The following GPC5 variants were observed in gnomAD, a reference collection of about 807,000 sequenced individuals.
GPC5 encodes glypican 5.
GPC5 carries 47 observed loss-of-function variants against 53.9 expected under a neutral mutation model. That is an observed-to-expected ratio of 0.87 (90% CI 0.69 to 1.11). The LOEUF is 1.11. Among genes scored for constraint, GPC5 ranks in the 50% most tolerant of loss-of-function variants. GPC5 has a pLI of 0.00. For synonymous variants in GPC5, 286 were observed against 263.3 expected (o/e 1.09, Z -0.84); for missense variants, 748 against 713.1 (o/e 1.05, Z -0.56).
intron 7 of GPC5, among the ~76,000 whole-genome samples, chr13:92,286,866 C>T (rs552969774): frequency 1.1e-4 from 17 of 151,858 alleles, no homozygotes; most frequent in African/African-American, 4.1e-4. Context: ...CACATGTACC[C>T]TAGAACTTAA....
At chr13:91,570,172 A>G (rs1463866419) in intron 2 of GPC5, among the ~76,000 whole-genome samples, 2 of 152,210 alleles carry the variant, frequency 1.3e-5, no homozygotes, top group Admixed American at 1.3e-4. Flanking sequence ...GTCTATGTCC[A>G]TCCCGACAAA....
chr13:91,797,727 T>C (rs2038068825), intron 5 of GPC5, among the ~76,000 whole-genome samples: 1 of 152,178 alleles, frequency 6.6e-6, no homozygotes, highest in African/African-American at 2.4e-5. Flanking sequence ...TCCTGCTAGA[T>C]GGGCATCCAG....
rs1319293702 is a variant in GPC5 at position 91,556,560 on chromosome 13, TATATATATATACACAC to T, written c.325+107640_325+107655del. On this transcript the variant is annotated intron_variant, in intron 2 of 7. Transcript: ENST00000377067. ...TATAAAATGTGTGTGTGTGTGTATA[TATATATATATACACAC>T]ACACAGACACCCACACACACATATA... Among the ~76,000 whole-genome samples the T allele has an allele frequency of 3.3e-5, 5 of 150,632 alleles. 1 individual carries two copies. The highest frequency in any genetic ancestry group is 7.4e-5 in the Non-Finnish European group (5 of 67,642).
chr13:92,370,869 G>T (rs977913647), intron 7 of GPC5, among the ~76,000 whole-genome samples: 16 of 152,014 alleles, frequency 1.1e-4, no homozygotes, highest in African/African-American at 3.9e-4. Context: ...TCTTGGCTGG[G>T]CACAGTGGGT....
intron 7 of GPC5, among the ~76,000 whole-genome samples, chr13:92,176,795 T>A (rs1355201656): frequency 6.6e-6 from 1 of 152,144 alleles, no homozygotes; most frequent in Non-Finnish European, 1.5e-5. Flanking sequence ...TCCAGCACAC[T>A]ACCAGGCACC....
chr13:92,048,154 A>T (rs995471269), intron 6 of GPC5, among the ~76,000 whole-genome samples: 1 of 152,148 alleles, frequency 6.6e-6, no homozygotes, highest in Non-Finnish European at 1.5e-5. Flanking sequence ...CCTTCTTCTC[A>T]TATGTATTGT....
intron 7 of GPC5, among the ~76,000 whole-genome samples, chr13:92,451,601 A>G (rs1344290501): frequency 1.3e-5 from 2 of 152,192 alleles, no homozygotes; most frequent in South Asian, 4.1e-4. Flanking sequence ...CTAAATAATG[A>G]TATGTTCTGC....
intron 7 of GPC5, among the ~76,000 whole-genome samples, chr13:92,336,384 T>C (rs1260473593): frequency 2.6e-5 from 4 of 152,188 alleles, no homozygotes; most frequent in Non-Finnish European, 5.9e-5. Flanking sequence ...ACATACATTG[T>C]AAAAACATTT....
intron 2 of GPC5, among the ~76,000 whole-genome samples, chr13:91,569,932 A>C (rs1019866798): frequency 6.6e-6 from 1 of 152,142 alleles, no homozygotes. Flanking sequence ...GTTTTTTATA[A>C]ATTACCCATT....
At chr13:92,605,971 G>A (rs1449469197) in intron 7 of GPC5, among the ~76,000 whole-genome samples, 1 of 152,182 alleles carries the variant, frequency 6.6e-6, no homozygotes, top group Non-Finnish European at 1.5e-5. Context: ...ATTCAAGAAG[G>A]AAGAAGTTTT....
At chr13:92,031,681 A>AT (rs201724735) in intron 6 of GPC5, among the ~76,000 whole-genome samples, 1,792 of 82,648 alleles carry the variant, frequency 0.022, 292 homozygotes, top group African/African-American at 0.11. Context: ...TATATAATAT[A>AT]TATATAGTAT....
intron 7 of GPC5, among the ~76,000 whole-genome samples, chr13:92,467,962 T>G (rs1178120497): frequency 6.6e-6 from 1 of 152,080 alleles, no homozygotes; most frequent in Non-Finnish European, 1.5e-5. Flanking sequence ...AAGAAACAAG[T>G]TCCTGGACCA....
intron 2 of GPC5, among the ~76,000 whole-genome samples, chr13:91,553,706 G>C (rs1267942591): frequency 1.3e-5 from 2 of 151,984 alleles, no homozygotes; most frequent in Non-Finnish European, 2.9e-5. Context: ...CTTTCATTAA[G>C]CAAAGTTATG....
At chr13:92,312,188 A>G (rs780718178) in intron 7 of GPC5, among the ~76,000 whole-genome samples, 12 of 152,196 alleles carry the variant, frequency 7.9e-5, no homozygotes, top group Non-Finnish European at 1.5e-4. Flanking sequence ...TCGAGATTTT[A>G]AAGAATATGG....
At chr13:92,306,388 A>G (rs1317180432) in intron 7 of GPC5, among the ~76,000 whole-genome samples, 3 of 152,166 alleles carry the variant, frequency 2.0e-5, no homozygotes, top group Non-Finnish European at 2.9e-5. Context: ...GAAATAGTAA[A>G]AAGAGGAGCA....
chr13:92,705,704 T>G (rs1478689024), intron 7 of GPC5, among the ~76,000 whole-genome samples: 1 of 152,122 alleles, frequency 6.6e-6, no homozygotes, highest in Non-Finnish European at 1.5e-5. Flanking sequence ...AATACGTCTA[T>G]GTTGGAAAGC....
intron 6 of GPC5, among the ~76,000 whole-genome samples, chr13:91,924,194 T>C (rs2039744486): frequency 1.3e-5 from 2 of 152,202 alleles, no homozygotes; most frequent in African/African-American, 4.8e-5. Context: ...AAGTGAAACA[T>C]ACCACAAACA....
At chr13:91,514,728 A>G (rs964714968) in intron 2 of GPC5, among the ~76,000 whole-genome samples, 3 of 152,090 alleles carry the variant, frequency 2.0e-5, no homozygotes, top group African/African-American at 7.2e-5. Flanking sequence ...CTCTATTCTC[A>G]TCTGTAAGCT....
rs543416375 is a variant in GPC5, at chr13:92,825,283, A to C, written c.1562-40999A>C. Among the ~76,000 whole-genome samples, 5 of 152,264 alleles carry C rather than the reference A, an allele frequency of 3.3e-5. No homozygotes were observed. In the East Asian group the frequency reaches 9.7e-4, roughly 29 times the overall value. On this transcript the variant is annotated intron_variant, in intron 7 of 7. Coordinates refer to ENST00000377067, the MANE Select transcript of GPC5 (RefSeq NM_004466.6). Reference sequence around the variant, plus strand: ...ACATTTCATAATTTATGGTGCATATAAATTTACATTTAATTTTTAAGGACA... The same window carrying C: ...ACATTTCATAATTTATGGTGCATATCAATTTACATTTAATTTTTAAGGACA...
Sources: allele counts gnomAD v4.1 joint callset (sites outside exome capture counted in the v4.1 genomes callset), GRCh38; gene constraint gnomAD v4.1.1; transcripts MANE v1.5; gene names NCBI Gene and HGNC (gene_info 2026-07-23, HGNC 2026-07-21).